Variants in TECR observed in about 807,000 individuals in gnomAD.
TECR encodes the protein trans-2,3-enoyl-CoA reductase, also known as very-long-chain enoyl-CoA reductase.
In TECR, 19 loss-of-function variants were observed where a neutral mutation model predicts 50.6. The ratio of observed to expected loss-of-function variants is 0.38; its 90% CI spans 0.26 to 0.55. The LOEUF (loss-of-function observed/expected upper bound fraction) is 0.55, where lower values mean the gene tolerates loss of function less well. Among genes scored for constraint, TECR ranks in the 20% least tolerant of loss-of-function variants. The probability of loss-of-function intolerance (pLI) is 0.79; values close to 1 mark genes in which losing one functional copy is unlikely to be tolerated. For synonymous variants in TECR, 168 were observed against 163.5 expected (o/e 1.03, Z -0.21); for missense variants, 313 against 408.3 (o/e 0.77, Z 2.01).
chr19:14,533,276 T>A (rs1301252185), intron 1 of TECR, among the ~76,000 whole-genome samples: 1 of 151,578 alleles, frequency 6.6e-6, no homozygotes, highest in East Asian at 1.9e-4. Flanking sequence ...AAAAATTAGC[T>A]GGGTGTGGTG....
chr19:14,540,203 G>A (rs1309601966), intron 1 of TECR, among the ~76,000 whole-genome samples: 2 of 151,910 alleles, frequency 1.3e-5, no homozygotes, highest in Non-Finnish European at 2.9e-5. Flanking sequence ...GGGAGTACAG[G>A]CACCCACCAC....
chr19:14,565,093 C>T lies in TECR; in HGVS notation c.634C>T (p.His212Tyr). 6.2e-7 allele frequency: 1 copy of T among 1,613,928 alleles called. No homozygotes were observed. Among genetic ancestry groups the T allele is most frequent in the Non-Finnish European group, 8.5e-7 (1 of 1,180,032 alleles). ...CTGCCAGCTCGGCAACTTCTCCATCCACATGGCCCTGCGGGACCTGCGGCC... is the reference window on the plus strand; with the variant it reads ...CTGCCAGCTCGGCAACTTCTCCATCTACATGGCCCTGCGGGACCTGCGGCC... ...VICQLGNFSIHMALRDLRPAG... is the reference protein window; with the variant it reads ...VICQLGNFSIYMALRDLRPAG... Residue 212 changes from histidine to tyrosine, a missense_variant, in exon 10 of 13, where the codon CAC becomes TAC. Physicochemically the swap from His to Tyr is moderately conservative, Grantham distance 83. Coordinates refer to ENST00000215567, the MANE Select transcript of TECR (RefSeq NM_138501.6).
At chr19:14,536,942 A>C (rs368697580) in intron 1 of TECR, among the ~76,000 whole-genome samples, 1 of 140,754 alleles carries the variant, frequency 7.1e-6, no homozygotes, top group Non-Finnish European at 1.5e-5. Flanking sequence ...ACCTCTGGAC[A>C]CGGGGCAGAT....
chr19:14,548,372 C>T (rs1259973498), intron 1 of TECR, among the ~76,000 whole-genome samples: 2 of 152,106 alleles, frequency 1.3e-5, no homozygotes, highest in Admixed American at 6.5e-5. Flanking sequence ...GTTACCCAGG[C>T]CCTAAGCTGT....
intron 1 of TECR, among the ~76,000 whole-genome samples, chr19:14,545,509 G>A (rs1191439171): frequency 6.6e-6 from 1 of 152,154 alleles, no homozygotes; most frequent in Non-Finnish European, 1.5e-5. Flanking sequence ...AAGCCTAGGG[G>A]GTGGGGGGGA....
Position 14,563,909 on chromosome 19 carries a change from T to TG in TECR, c.267+6_267+7insG, listed in dbSNP as rs1180761981. On this transcript the variant is annotated splice_region_variant and intron_variant, in intron 5 of 12. Coordinates refer to ENST00000215567, the MANE Select transcript of TECR (RefSeq NM_138501.6). The surrounding 1 kb of genome is among the most constrained non-coding windows in gnomAD (Gnocchi z 5.3). The stretch of plus-strand genomic sequence containing the variant: ...CCCAGATCAGCTGGGTGACGGTGAG[T>TG]CCTGACCCTACCCACGGCCTCTTTT... The TG allele has an allele frequency of 1.2e-6, 2 of 1,613,922 alleles. No homozygotes were observed. Among genetic ancestry groups the TG allele is most frequent in the Admixed American group, 3.3e-5 (2 of 60,000 alleles).
chr19:14,563,201 C>A lies in TECR; in HGVS notation c.67-5C>A. ...CTGACGTCCCTGCGCCTGTGCTTCC[C>A]CCAGGTGGAGCCCCACGCCACCATT... On this transcript the variant is annotated splice_polypyrimidine_tract_variant and splice_region_variant and intron_variant, in intron 2 of 12. Coordinates refer to ENST00000215567, the MANE Select transcript of TECR (RefSeq NM_138501.6). The surrounding 1 kb of genome is among the most constrained non-coding windows in gnomAD (Gnocchi z 5.3). The A allele has an allele frequency of 6.2e-7, 1 of 1,614,004 alleles. No individual in the cohort carries two copies. Among genetic ancestry groups the A allele is most frequent in the African/African-American group, 1.3e-5 (1 of 75,016 alleles).
intron 1 of TECR, chr19:14,530,111 C>G (rs534976143): frequency 2.8e-4 from 94 of 330,416 alleles, no homozygotes; most frequent in Non-Finnish European, 5.0e-4. Flanking sequence ...TAGGAAGGGG[C>G]TTTGCTATCA....
intron 1 of TECR, chr19:14,531,198 C>T (rs1419921346): frequency 6.6e-6 from 1 of 151,958 alleles, no homozygotes; most frequent in Non-Finnish European, 1.5e-5. Context: ...CCATGCCCGG[C>T]TAATTTTTTG....
rs377372427 is a variant in TECR at position 14,565,104 on chromosome 19, G to A, written c.645G>A (p.Leu215=). 1.2e-6 allele frequency: 2 copies of A among 1,613,736 alleles called. No individual in the cohort carries two copies. The highest frequency in any genetic ancestry group is 1.7e-6 in the Non-Finnish European group (2 of 1,180,030). Residue 215 remains leucine (L), a synonymous_variant, in exon 10 of 13, where the codon CTG becomes CTA. Coordinates refer to ENST00000215567, the MANE Select transcript of TECR (RefSeq NM_138501.6). ...QLGNFSIHMA[L]RDLRPAGSKT... ...GCAACTTCTCCATCCACATGGCCCT[G>A]CGGGACCTGCGGCCCGCTGGTGAGT...
chr19:14,543,884 C>T (rs2073213168), intron 1 of TECR, among the ~76,000 whole-genome samples: 1 of 151,726 alleles, frequency 6.6e-6, no homozygotes, highest in Non-Finnish European at 1.5e-5. Flanking sequence ...TACAGGCATG[C>T]ACCACCCCAC....
chr19:14,557,229 G>A (rs1350942230), intron 1 of TECR, among the ~76,000 whole-genome samples: 1 of 148,712 alleles, frequency 6.7e-6, no homozygotes. Flanking sequence ...AACCTCCACC[G>A]TCCTGAGTTC....
At chr19:14,534,714 G>A (rs1009192503) in intron 1 of TECR, among the ~76,000 whole-genome samples, 2 of 152,150 alleles carry the variant, frequency 1.3e-5, no homozygotes, top group African/African-American at 4.8e-5. Flanking sequence ...TGGGATTATA[G>A]GTGTGAGCCA....
intron 1 of TECR, among the ~76,000 whole-genome samples, chr19:14,536,018 G>T (rs1053266222): frequency 6.6e-6 from 1 of 151,960 alleles, no homozygotes; most frequent in Non-Finnish European, 1.5e-5. Context: ...GAATCTCAGA[G>T]CCCCAGGCTT....
Position 14,564,848 on chromosome 19 carries a change from C to T in TECR, c.552C>T (p.Tyr184=), listed in dbSNP as rs117833765. The part of the protein sequence containing the change: ...WMAYYINHPL[Y]TPPTYGAQQV... ...CCTATTACATCAATCACCCTCTCTACACTCCCCCTAGTAAGTGGCCTCAGA... is the reference window on the plus strand; with the variant it reads ...CCTATTACATCAATCACCCTCTCTATACTCCCCCTAGTAAGTGGCCTCAGA... Residue 184 remains tyrosine, a synonymous_variant, in exon 8 of 13, where the codon TAC becomes TAT. Transcript: ENST00000215567. 1,165 of 1,613,980 alleles carry T rather than the reference C, an allele frequency of 7.2e-4. 14 individuals are homozygous for T. The South Asian group carries it at 9.7e-3, about 13-fold the overall frequency.
intron 1 of TECR, among the ~76,000 whole-genome samples, chr19:14,537,453 G>A (rs968781178): frequency 4.0e-5 from 6 of 149,658 alleles, no homozygotes; most frequent in African/African-American, 1.5e-4. Flanking sequence ...CCTGAGAACA[G>A]AGGAGGGTTG....
In TECR at chr19:14,565,786, G is replaced by A; in HGVS notation, c.842G>A (p.Trp281Ter). 6.2e-7 allele frequency: 1 copy of A among 1,609,418 alleles called. No individual in the cohort carries two copies. The highest frequency in any genetic ancestry group is 1.1e-5 in the South Asian group (1 of 90,520). Residue 281 changes from tryptophan (W) to a stop codon, truncating the protein, a stop_gained, in exon 13 of 13, where the codon TGG becomes TAG. Transcript: ENST00000215567. LOFTEE classifies it high-confidence loss of function. ...GTGGGCTTCACCCAGATGACCATCT[G>A]GGCCAAGGGCAAGCACCGCAGCTAC... The part of the protein sequence containing the change: ...SLVGFTQMTI[W>*]AKGKHRSYLK...
Position 14,563,933 on chromosome 19 carries a change from T to C in TECR, c.267+30T>C, listed in dbSNP as rs768278691. ...GTCCTGACCCTACCCACGGCCTCTT[T>C]TCCCGTCAGCCACGTTGGGTGACTC... is the stretch of plus-strand genomic sequence containing the variant. On this transcript the variant is annotated intron_variant, in intron 5 of 12. Transcript: ENST00000215567. This position sits in a 1 kb window ranked among gnomAD's most constrained non-coding sequence, Gnocchi z 5.3. 6.2e-7 allele frequency: 1 copy of C among 1,613,978 alleles called. No homozygotes were observed. The highest frequency in any genetic ancestry group is 2.2e-5 in the East Asian group (1 of 44,880).
intron 1 of TECR, among the ~76,000 whole-genome samples, chr19:14,543,150 G>T (rs931163356): frequency 3.3e-5 from 5 of 151,058 alleles, no homozygotes; most frequent in Non-Finnish European, 7.4e-5. Context: ...CTGAAGTCAC[G>T]GAGCTGAGCC....
Sources: allele counts gnomAD v4.1 joint callset (sites outside exome capture counted in the v4.1 genomes callset), GRCh38; gene constraint gnomAD v4.1.1; non-coding constraint Gnocchi (gnomAD v3.1); transcripts MANE v1.5; gene names NCBI Gene and HGNC (gene_info 2026-07-23, HGNC 2026-07-21).